OPCML: variants seen among roughly 807,000 people sequenced by gnomAD.
OPCML encodes the protein opioid-binding protein/cell adhesion molecule.
Under a neutral mutation model 37.8 loss-of-function variants are expected in OPCML, and 13 were observed. That is an observed-to-expected ratio of 0.34 (90% CI 0.22 to 0.55). The LOEUF is 0.55. Ranked by LOEUF, OPCML falls within the 20% of genes least tolerant of loss-of-function variation. The pLI, the probability that OPCML is intolerant of heterozygous loss-of-function variation, is 0.91. For missense variants in OPCML, 341 were observed against 435.6 expected, an observed-to-expected ratio of 0.78 and a Z score of 1.93; for synonymous variants, 176 against 168.8, an observed-to-expected ratio of 1.04 and a Z score of -0.33.
intron 1 of OPCML, among the ~76,000 whole-genome samples, chr11:133,210,089 G>A (rs78170427): frequency 0.014 from 2,203 of 152,294 alleles, 55 homozygotes; most frequent in African/African-American, 0.051. Context: ...CTCTCTCACG[G>A]CATGTGCCTG....
chr11:133,287,730 C>G (rs947902860), intron 1 of OPCML, among the ~76,000 whole-genome samples: 1 of 151,982 alleles, frequency 6.6e-6, no homozygotes, highest in East Asian at 1.9e-4. Context: ...AGCAGGGGCC[C>G]GTGCAGGAAA....
intron 2 of OPCML, among the ~76,000 whole-genome samples, chr11:132,895,935 T>C (rs1049552660): frequency 1.3e-5 from 2 of 152,092 alleles, no homozygotes; most frequent in Non-Finnish European, 2.9e-5. Context: ...AGTTTTCTAA[T>C]TTATACAAGC....
rs147516018 is a variant in OPCML at position 133,244,651 on chromosome 11, G to T, written c.61+287613C>A. On this transcript the variant is annotated intron_variant, in intron 1 of 7. Transcript: ENST00000524381. ...TTCTCAGGATAGTGAGTGAGTTCTC[G>T]TGAGATCTGACAATTTAAATGTGTG... 3.9e-5 allele frequency among the ~76,000 whole-genome samples: 6 copies of T among 152,064 alleles called. No homozygotes were observed. In the East Asian group the frequency reaches 1.2e-3, roughly 30 times the overall value.
intron 1 of OPCML, among the ~76,000 whole-genome samples, chr11:133,303,025 T>C (rs1214051379): frequency 6.6e-6 from 1 of 152,184 alleles, no homozygotes; most frequent in Non-Finnish European, 1.5e-5. Context: ...CTAATTGTGT[T>C]TGGATATCGG....
At chr11:133,109,059 CTCTT>C (rs1565451580) in intron 1 of OPCML, among the ~76,000 whole-genome samples, 4 of 152,130 alleles carry the variant, frequency 2.6e-5, no homozygotes, top group African/African-American at 9.7e-5. Flanking sequence ...TTCCTGGCCG[CTCTT>C]TCTATTTTTC....
chr11:132,884,766 G>A (rs1224666473), intron 2 of OPCML, among the ~76,000 whole-genome samples: 2 of 152,150 alleles, frequency 1.3e-5, no homozygotes, highest in East Asian at 3.9e-4. Flanking sequence ...AGTAAGTTAG[G>A]AACATTACCA....
At chr11:132,972,022 G>A (rs946985944) in intron 1 of OPCML, among the ~76,000 whole-genome samples, 1 of 152,098 alleles carries the variant, frequency 6.6e-6, no homozygotes, top group Admixed American at 6.6e-5. Context: ...GGAATCCAAG[G>A]GCCTAAATAC....
At chr11:132,847,242 T>C (rs1941586946) in intron 2 of OPCML, among the ~76,000 whole-genome samples, 1 of 152,294 alleles carries the variant, frequency 6.6e-6, no homozygotes, top group South Asian at 2.1e-4. Flanking sequence ...AAGCCATAAA[T>C]CTCTAACTCT....
chr11:132,658,481 A>G (rs891617126), intron 2 of OPCML, among the ~76,000 whole-genome samples: 3 of 152,188 alleles, frequency 2.0e-5, no homozygotes, highest in African/African-American at 7.2e-5. Context: ...CCTGGCCTGC[A>G]TGGCTCAGGG....
rs374997590 is a variant in OPCML, at chr11:132,658,944, AT to A, written c.147-1626del. Among the ~76,000 whole-genome samples the A allele has an allele frequency of 6.0e-4, 91 of 151,462 alleles. 3 individuals carry two copies. The highest frequency in any genetic ancestry group is 2.0e-3 in the African/African-American group (84 of 41,322). ...CATACTCTAACATTCCAATGAAACTATTTTTTTTTATTTGACCACAGGCATC... is the reference window on the plus strand; with the variant it reads ...CATACTCTAACATTCCAATGAAACTATTTTTTTTATTTGACCACAGGCATC... On this transcript the variant is annotated intron_variant, in intron 2 of 7. Transcript: ENST00000524381.
intron 1 of OPCML, among the ~76,000 whole-genome samples, chr11:133,110,892 C>T (rs993548327): frequency 2.0e-5 from 3 of 152,164 alleles, no homozygotes; most frequent in Non-Finnish European, 4.4e-5. Context: ...AGAAACCTGA[C>T]TCTGAACACT....
intron 1 of OPCML, among the ~76,000 whole-genome samples, chr11:133,458,172 A>ACG (rs1263280440): frequency 6.9e-6 from 1 of 144,612 alleles, no homozygotes; most frequent in African/African-American, 2.8e-5. Context: ...ATACATATAC[A>ACG]TATATGTGTA....
At chr11:132,950,560 A>T (rs1050445798) in intron 1 of OPCML, among the ~76,000 whole-genome samples, 1 of 152,190 alleles carries the variant, frequency 6.6e-6, no homozygotes, top group African/African-American at 2.4e-5. Flanking sequence ...CGACAGTGGG[A>T]GAAAGATTTG....
intron 4 of OPCML, among the ~76,000 whole-genome samples, chr11:132,467,475 A>T (rs2096123463): frequency 6.6e-6 from 1 of 152,200 alleles, no homozygotes; most frequent in South Asian, 2.1e-4. Context: ...TGTACAACTC[A>T]TTTTGCCCCT....
intron 2 of OPCML, among the ~76,000 whole-genome samples, chr11:132,932,691 TTA>T (rs3077742): frequency 0.15 from 21,751 of 143,458 alleles, 2,318 homozygotes; most frequent in African/African-American, 0.3. Context: ...TATATATATA[TTA>T]TATATATATA....
At chr11:132,990,666 T>C (rs1946758542) in intron 1 of OPCML, among the ~76,000 whole-genome samples, 1 of 152,178 alleles carries the variant, frequency 6.6e-6, no homozygotes, top group African/African-American at 2.4e-5. Flanking sequence ...CAGACTAATA[T>C]TGATTGAATA....
chr11:133,393,000 T>C (rs1945204760), intron 1 of OPCML, among the ~76,000 whole-genome samples: 1 of 151,902 alleles, frequency 6.6e-6, no homozygotes, highest in Non-Finnish European at 1.5e-5. Flanking sequence ...TTGTTTCAGC[T>C]CTTATATTAT....
intron 1 of OPCML, among the ~76,000 whole-genome samples, chr11:133,258,909 C>T (rs1364864428): frequency 6.6e-6 from 1 of 152,202 alleles, no homozygotes; most frequent in Non-Finnish European, 1.5e-5. Context: ...AAAAAAACTG[C>T]AGTGGAACAG....
chr11:133,046,866 G>T (rs1353054795), intron 1 of OPCML, among the ~76,000 whole-genome samples: 1 of 152,052 alleles, frequency 6.6e-6, no homozygotes, highest in Admixed American at 6.5e-5. Flanking sequence ...AAATAGAACT[G>T]CCAGTGACAC....
Sources: gnomAD v4.1 joint callset for allele counts (sites outside exome capture counted in the v4.1 genomes callset) on GRCh38, gnomAD v4.1.1 for gene constraint, MANE v1.5 for transcripts, NCBI Gene and HGNC (gene_info 2026-07-23, HGNC 2026-07-21) for gene names.